Variants in FSTL4 observed in about 807,000 individuals in gnomAD.
FSTL4 encodes the protein follistatin like 4.
FSTL4 carries 28 observed loss-of-function variants against 78.2 expected under a neutral mutation model. That is an observed-to-expected ratio of 0.36 (90% CI 0.27 to 0.49). The LOEUF (loss-of-function observed/expected upper bound fraction) is 0.49, where lower values mean the gene tolerates loss of function less well. FSTL4 is among the 20% of genes least tolerant of loss of function. The pLI, the probability that FSTL4 is intolerant of heterozygous loss-of-function variation, is 0.98. For synonymous variants in FSTL4, 422 were observed against 440.5 expected (o/e 0.96, Z 0.53); for missense variants, 922 against 1,084.9 (o/e 0.85, Z 2.11).
intron 3 of FSTL4, among the ~76,000 whole-genome samples, chr5:133,420,974 C>A (rs1228030400): frequency 1.3e-5 from 2 of 152,242 alleles, no homozygotes; most frequent in African/African-American, 4.8e-5. Context: ...TCCTCCTCAG[C>A]ATCCCAGGAT....
chr5:133,543,214 T>C (rs1472463648), intron 3 of FSTL4, among the ~76,000 whole-genome samples: 1 of 151,904 alleles, frequency 6.6e-6, no homozygotes, highest in Non-Finnish European at 1.5e-5. Context: ...TCATGCCTGG[T>C]TAATTTTTTT....
At chr5:133,261,282 C>T (rs781450322) in intron 6 of FSTL4, among the ~76,000 whole-genome samples, 7 of 152,062 alleles carry the variant, frequency 4.6e-5, no homozygotes, top group Admixed American at 2.0e-4. Flanking sequence ...TCTTGATGCC[C>T]GTCGGGGTTA....
intron 7 of FSTL4, among the ~76,000 whole-genome samples, chr5:133,241,257 T>G (rs1287037666): frequency 6.6e-6 from 1 of 152,230 alleles, no homozygotes; most frequent in Non-Finnish European, 1.5e-5. Context: ...ATGAGTTCTG[T>G]TTTTCCAGCA....
chr5:133,615,492 G>T (rs761781041), upstream of FSTL4, among the ~76,000 whole-genome samples: 3 of 152,148 alleles, frequency 2.0e-5, no homozygotes, highest in Non-Finnish European at 4.4e-5. Context: ...TCTTAAGTGG[G>T]AATTGGGAAT....
At chr5:133,383,438 G>A (rs1327383334) in intron 4 of FSTL4, among the ~76,000 whole-genome samples, 3 of 152,204 alleles carry the variant, frequency 2.0e-5, no homozygotes, top group East Asian at 1.9e-4. Context: ...TCTGAAGGAC[G>A]TGTCCTTTCC....
the FSTL4 span, among the ~76,000 whole-genome samples, chr5:133,766,447 C>T: frequency 6.6e-6 from 1 of 152,214 alleles, no homozygotes; most frequent in African/African-American, 2.4e-5. Flanking sequence ...TAAGACTCAG[C>T]TTGTATTTTC....
chr5:133,239,364 G>T (rs371631905), intron 7 of FSTL4, among the ~76,000 whole-genome samples: 134 of 152,344 alleles, frequency 8.8e-4, no homozygotes, highest in African/African-American at 3.1e-3. Flanking sequence ...CACGGGACTG[G>T]CAGGCAGCTC....
the FSTL4 span, among the ~76,000 whole-genome samples, chr5:133,820,282 T>G: frequency 6.6e-6 from 1 of 152,216 alleles, no homozygotes; most frequent in African/African-American, 2.4e-5. Flanking sequence ...GACCTCCGTT[T>G]CAACAAGATG....
At chr5:133,446,541 C>T (rs1345681969) in intron 3 of FSTL4, among the ~76,000 whole-genome samples, 1 of 152,190 alleles carries the variant, frequency 6.6e-6, no homozygotes, top group African/African-American at 2.4e-5. Flanking sequence ...ACTGGCACTC[C>T]CCCCACTCCT....
At chr5:133,239,898 G>C (rs1581559211) in intron 7 of FSTL4, among the ~76,000 whole-genome samples, 1 of 152,232 alleles carries the variant, frequency 6.6e-6, no homozygotes, top group African/African-American at 2.4e-5. Flanking sequence ...CTGTAAAACA[G>C]ACCAATCGGC....
chr5:133,342,612 G>GAT (rs1349474821), intron 4 of FSTL4, among the ~76,000 whole-genome samples: 1 of 152,180 alleles, frequency 6.6e-6, no homozygotes, highest in South Asian at 2.1e-4. Context: ...GCCTACTATG[G>GAT]ACGTCCAGCC....
intron 1 of FSTL4, among the ~76,000 whole-genome samples, chr5:133,609,885 G>C (rs930992719): frequency 1.1e-4 from 17 of 152,170 alleles, no homozygotes; most frequent in African/African-American, 4.1e-4. Context: ...TATGCATTGA[G>C]ACAGAAAATG....
At chr5:133,549,583 C>G (rs1212665974) in intron 3 of FSTL4, among the ~76,000 whole-genome samples, 1 of 152,062 alleles carries the variant, frequency 6.6e-6, no homozygotes, top group African/African-American at 2.4e-5. Flanking sequence ...TGCATCCTTT[C>G]ATTTTTACAA....
the FSTL4 span, among the ~76,000 whole-genome samples, chr5:133,768,820 G>T: frequency 1.3e-5 from 2 of 152,198 alleles, no homozygotes; most frequent in Non-Finnish European, 2.9e-5. Flanking sequence ...ATATTAAAAA[G>T]CTTTGAAAAG....
chr5:133,734,011 T>C, the FSTL4 span, among the ~76,000 whole-genome samples: 54 of 152,222 alleles, frequency 3.5e-4, no homozygotes, highest in Non-Finnish European at 6.8e-4. Flanking sequence ...AACAGAGAAC[T>C]CTCTGAGAGA....
chr5:133,487,336 T>C (rs1758158123), intron 3 of FSTL4, among the ~76,000 whole-genome samples: 1 of 152,194 alleles, frequency 6.6e-6, no homozygotes, highest in Non-Finnish European at 1.5e-5. Flanking sequence ...CGTATGTTGC[T>C]GCTTGATATT....
At chr5:133,721,856 T>C in the FSTL4 span, among the ~76,000 whole-genome samples, 1 of 152,228 alleles carries the variant, frequency 6.6e-6, no homozygotes, top group Non-Finnish European at 1.5e-5. Context: ...AATTATTTTA[T>C]TAAATAAGTT....
chr5:133,710,842 G>C, the FSTL4 span, among the ~76,000 whole-genome samples: 21 of 152,328 alleles, frequency 1.4e-4, no homozygotes, highest in South Asian at 1.7e-3. Flanking sequence ...TGAGAAAAGA[G>C]TAACCAAATA....
At chr5:133,703,039 C>A in the FSTL4 span, among the ~76,000 whole-genome samples, 1 of 152,218 alleles carries the variant, frequency 6.6e-6, no homozygotes, top group Non-Finnish European at 1.5e-5. Flanking sequence ...AGCCGTGTCA[C>A]CTACTGTGGG....
Sources: allele counts gnomAD v4.1 joint callset (sites outside exome capture counted in the v4.1 genomes callset), GRCh38; gene constraint gnomAD v4.1.1; transcripts MANE v1.5; gene names NCBI Gene and HGNC (gene_info 2026-07-23, HGNC 2026-07-21).